Variants in PBX3 observed in about 807,000 individuals in gnomAD.
The protein encoded by PBX3 is PBX homeobox 3, also known as pre-B-cell leukemia transcription factor 3.
PBX3 carries 14 observed loss-of-function variants against 48.5 expected under a neutral mutation model. The ratio of observed to expected loss-of-function variants is 0.29; its 90% CI spans 0.19 to 0.45. PBX3 has a LOEUF of 0.45. Among genes scored for constraint, PBX3 ranks in the 20% least tolerant of loss-of-function variants. The probability of loss-of-function intolerance (pLI) is 1.00; values close to 1 mark genes in which losing one functional copy is unlikely to be tolerated. For synonymous variants in PBX3, 210 were observed against 200.3 expected, an observed-to-expected ratio of 1.05 and a Z score of -0.41; for missense variants, 386 against 546.7, an observed-to-expected ratio of 0.71 and a Z score of 2.93.
chr9:125,877,573 ATTTTTTATACCGCTATATAATCTT>A (rs1564152343), intron 2 of PBX3, among the ~76,000 whole-genome samples: 1 of 152,124 alleles, frequency 6.6e-6, no homozygotes, highest in Non-Finnish European at 1.5e-5. Context: ...AATATATTCT[ATTTTTTATACCGCTATATAATCTT>A]TTTTTATCCC....
chr9:125,821,925 CTTGAA>C (rs1838664231), intron 2 of PBX3, among the ~76,000 whole-genome samples: 1 of 151,912 alleles, frequency 6.6e-6, no homozygotes, highest in African/African-American at 2.4e-5. Context: ...TGTAAATGGT[CTTGAA>C]TTGATTATGT....
At chr9:125,859,578 G>A (rs568849957) in intron 2 of PBX3, among the ~76,000 whole-genome samples, 5 of 152,288 alleles carry the variant, frequency 3.3e-5, no homozygotes, top group Admixed American at 2.0e-4. Flanking sequence ...GAGAAGTGAC[G>A]TGACACAGCC....
chr9:125,778,281 C>T (rs1219664791), intron 2 of PBX3, among the ~76,000 whole-genome samples: 1 of 144,702 alleles, frequency 6.9e-6, no homozygotes, highest in Admixed American at 6.8e-5. Flanking sequence ...TTTTTTGAGA[C>T]GGAGTCTCAC....
intron 2 of PBX3, among the ~76,000 whole-genome samples, chr9:125,833,551 A>G (rs893439841): frequency 2.0e-5 from 3 of 152,196 alleles, no homozygotes; most frequent in African/African-American, 7.2e-5. Flanking sequence ...TTATATCCTA[A>G]TTTTATAGAT....
At chr9:125,807,941 G>C (rs1181523838) in intron 2 of PBX3, among the ~76,000 whole-genome samples, 1 of 152,140 alleles carries the variant, frequency 6.6e-6, no homozygotes, top group Non-Finnish European at 1.5e-5. Flanking sequence ...AATTAATTGA[G>C]TTATTAAGTC....
rs146874167 is a variant in PBX3, at chr9:125,801,652, G to T, written c.274+53029G>T. On this transcript the variant is annotated intron_variant, in intron 2 of 8. Coordinates refer to ENST00000373489, the MANE Select transcript of PBX3 (RefSeq NM_006195.6). ...AGTGATGTATGTTATCGTGTGATAT[G>T]TTTTTTCACATTCCATCTTTTTGTA... Among the ~76,000 whole-genome samples, 7 of 129,268 alleles carry T rather than the reference G, an allele frequency of 5.4e-5. No individual in the cohort carries two copies. In the East Asian group the frequency reaches 1.7e-3, roughly 31 times the overall value. 84.8% of individuals were successfully genotyped at this position (129,268 alleles called of 152,430 possible).
At chr9:125,751,074 T>C (rs1836362071) in intron 2 of PBX3, among the ~76,000 whole-genome samples, 1 of 152,184 alleles carries the variant, frequency 6.6e-6, no homozygotes, top group Non-Finnish European at 1.5e-5. Context: ...AAAGAAACAT[T>C]GTAGAATATA....
intron 2 of PBX3, among the ~76,000 whole-genome samples, chr9:125,839,905 C>T (rs1839241308): frequency 6.6e-6 from 1 of 152,078 alleles, no homozygotes; most frequent in Non-Finnish European, 1.5e-5. Flanking sequence ...GTATTTTGCT[C>T]TCTTAAATTC....
chr9:125,782,111 C>T (rs1588141790), intron 2 of PBX3, among the ~76,000 whole-genome samples: 1 of 152,212 alleles, frequency 6.6e-6, no homozygotes, highest in East Asian at 1.9e-4. Flanking sequence ...AAGACATACC[C>T]AAGAGTGAGC....
At chr9:125,781,540 G>A (rs1371344955) in intron 2 of PBX3, among the ~76,000 whole-genome samples, 1 of 138,588 alleles carries the variant, frequency 7.2e-6, no homozygotes, top group Admixed American at 7.4e-5. Context: ...CCGAGAGGGA[G>A]AGGGGAGAGG....
At chr9:125,877,316 C>T (rs761599680) in intron 2 of PBX3, among the ~76,000 whole-genome samples, 7 of 152,176 alleles carry the variant, frequency 4.6e-5, no homozygotes, top group African/African-American at 9.7e-5. Context: ...AAGCCTTCTC[C>T]GATTTCCATC....
chr9:125,758,009 A>G (rs1330745236), intron 2 of PBX3, among the ~76,000 whole-genome samples: 1 of 152,168 alleles, frequency 6.6e-6, no homozygotes, highest in Non-Finnish European at 1.5e-5. Flanking sequence ...ACTTGTCTGA[A>G]TTTCCTCGTG....
intron 5 of PBX3, among the ~76,000 whole-genome samples, chr9:125,959,540 A>G (rs934556029): frequency 6.6e-6 from 1 of 152,230 alleles, no homozygotes; most frequent in South Asian, 2.1e-4. Context: ...TGGGAATTCT[A>G]TTTCCAAACC....
At chr9:125,763,378 G>A (rs1218013391) in intron 2 of PBX3, among the ~76,000 whole-genome samples, 1 of 152,184 alleles carries the variant, frequency 6.6e-6, no homozygotes. Context: ...TATTGTTACC[G>A]ATTACATGTA....
At chr9:125,784,982 A>G (rs1299105439) in intron 2 of PBX3, among the ~76,000 whole-genome samples, 1 of 152,166 alleles carries the variant, frequency 6.6e-6, no homozygotes, top group African/African-American at 2.4e-5. Context: ...TCTAAGAAAC[A>G]TTCTCCCTTC....
At chr9:125,874,031 G>A (rs556486083) in intron 2 of PBX3, among the ~76,000 whole-genome samples, 1 of 152,212 alleles carries the variant, frequency 6.6e-6, no homozygotes, top group South Asian at 2.1e-4. Flanking sequence ...AGAAGATAAA[G>A]CATGTACAGC....
chr9:125,841,193 A>G (rs1377302487), intron 2 of PBX3, among the ~76,000 whole-genome samples: 1 of 152,196 alleles, frequency 6.6e-6, no homozygotes, highest in African/African-American at 2.4e-5. Flanking sequence ...ATTAAGTAGT[A>G]GAGCTTGGAC....
In PBX3 at chr9:125,962,159, G is replaced by T. The variant is rs1842444459; in HGVS notation, c.1067G>T (p.Ser356Ile). The T allele has an allele frequency of 6.2e-7, 1 of 1,613,530 alleles. No homozygotes were observed. The highest frequency in any genetic ancestry group is 1.7e-4 in the Middle Eastern group (1 of 6,056). The change falls in exon 7 of 9, where the codon AGT becomes ATT. Residue 356 changes from serine (S) to isoleucine (I), a missense_variant. By Grantham distance (142) the Ser-to-Ile change is moderately radical (BLOSUM62 -2). Coordinates refer to ENST00000373489, the MANE Select transcript of PBX3 (RefSeq NM_006195.6). Reference protein sequence around the residue: ...NSGDMFMNMQSLNGDSYQGSQ... With the variant: ...NSGDMFMNMQILNGDSYQGSQ... ...GGGGACATGTTCATGAACATGCAGA[G>T]TCTGAATGGGGATTCTTACCAAGGG... is the stretch of plus-strand genomic sequence containing the variant.
rs75216173 is a variant in PBX3, at chr9:125,889,563, A to G, written c.275-26123A>G. 5.2e-3 allele frequency among the ~76,000 whole-genome samples: 791 copies of G among 152,264 alleles called. 8 individuals carry two copies. Among genetic ancestry groups the G allele is most frequent in the African/African-American group, 0.018 (766 of 41,544 alleles). ...CGCTCCGCTCTCAGTGGCATTTGCA[A>G]TGAGTCCCTGACAGGCTGATTTTCC... On this transcript the variant is annotated intron_variant, in intron 2 of 8. Coordinates refer to ENST00000373489, the MANE Select transcript of PBX3 (RefSeq NM_006195.6).
Sources: gnomAD v4.1 joint callset for allele counts (sites outside exome capture counted in the v4.1 genomes callset) on GRCh38, gnomAD v4.1.1 for gene constraint, MANE v1.5 for transcripts, NCBI Gene and HGNC (gene_info 2026-07-23, HGNC 2026-07-21) for gene names.